MYH8: variants seen among roughly 807,000 people sequenced by gnomAD.
The protein encoded by MYH8 is myosin-8.
A neutral mutation model predicts 233.2 loss-of-function variants in MYH8; 168 were observed. The observed-to-expected ratio is 0.72, with a 90% CI of 0.64 to 0.82. MYH8 has a LOEUF of 0.82. Among genes scored for constraint, MYH8 ranks in the 40% least tolerant of loss-of-function variants. The probability of loss-of-function intolerance (pLI) is 0.00; values close to 1 mark genes in which losing one functional copy is unlikely to be tolerated. For missense variants in MYH8, 1,995 were observed against 2,327.8 expected (o/e 0.86, Z 2.94); for synonymous variants, 785 against 850.6 (o/e 0.92, Z 1.34).
chr17:10,399,797 CTG>C, intron 27 of MYH8, 128 bp from the exon 28 acceptor site: 1 of 1,342,682 alleles, frequency 7.4e-7, no homozygotes, highest in Non-Finnish European at 1.0e-6. Flanking sequence ...GACATCAACT[CTG>C]TGGAACATGC....
intron 30 of MYH8, 148 bp downstream of exon 30, chr17:10,398,296 G>A (rs1476461354): frequency 2.5e-6 from 3 of 1,178,886 alleles, no homozygotes; most frequent in African/African-American, 3.1e-5. Context: ...AGGTAAATAA[G>A]CTGATATACA....
intron 30 of MYH8, among the ~76,000 whole-genome samples, chr17:10,397,985 C>G (rs577650836): frequency 2.6e-5 from 4 of 152,206 alleles, no homozygotes; most frequent in African/African-American, 7.2e-5. Flanking sequence ...TGGCTTGATG[C>G]CCAGGGAGAT....
Position 10,406,892 on chromosome 17 carries a change from C to A in MYH8, c.2053G>T (p.Gly685Trp), listed in dbSNP as rs139004551. Reference protein sequence around the residue: ...CIIPNETKTPGAMEHELVLHQ... With the variant: ...CIIPNETKTPWAMEHELVLHQ... ...GATTATTTCACTCTCTGTGTCTTAC[C>A]AGGAGTTTTGGTTTCATTGGGAATG... Residue 685 changes from glycine to tryptophan, a missense_variant and splice_region_variant, in exon 18 of 40, where the codon GGG (glycine) becomes TGG (tryptophan). By Grantham distance (184) the Gly-to-Trp change is radical. Coordinates refer to ENST00000403437, the MANE Select transcript of MYH8 (RefSeq NM_002472.3). 22 of 1,613,554 alleles carry A rather than the reference C, an allele frequency of 1.4e-5. No individual in the cohort carries two copies. The highest frequency in any genetic ancestry group is 1.6e-4 in the Middle Eastern group (1 of 6,082).
chr17:10,409,221 A>G, intron 16 of MYH8, 57 bp from the exon 17 acceptor site: 2 of 1,613,390 alleles, frequency 1.2e-6, no homozygotes, highest in Non-Finnish European at 1.7e-6. Context: ...TTATATGAAC[A>G]TGTATTATAA....
At chr17:10,405,123 C>T (rs751370056) in intron 21 of MYH8, among the ~76,000 whole-genome samples, 10 of 152,120 alleles carry the variant, frequency 6.6e-5, no homozygotes, top group Admixed American at 3.9e-4. Context: ...CTGAATTATC[C>T]ACTCTATAAA....
Position 10,409,318 on chromosome 17 carries a change from G to C in MYH8, c.1858C>G (p.Leu620Val). The change falls in exon 16 of 40, where the codon CTA (leucine) becomes GTA (valine). Residue 620 changes from leucine to valine, a missense_variant. Transcript: ENST00000403437. ...GCATACGTGGAAAAGAGACTGGCTA[G>C]AGTCTTCATTGCAGACTTCTGGTAC... Reference protein sequence around the residue: ...GLYQKSAMKTLASLFSTYASA... With the variant: ...GLYQKSAMKTVASLFSTYASA... The C allele has an allele frequency of 6.2e-7, 1 of 1,613,478 alleles. No homozygotes were observed. The highest frequency in any genetic ancestry group is 8.5e-7 in the Non-Finnish European group (1 of 1,179,980).
Position 10,392,414 on chromosome 17 carries a change from C to G in MYH8, c.5568+128G>C. Reference sequence around the variant, plus strand: ...GTATAGGTCTGTGATAAGCAACTGTCTTTACTCCTTACATGTACCAAGTTA... The same window carrying G: ...GTATAGGTCTGTGATAAGCAACTGTGTTTACTCCTTACATGTACCAAGTTA... On this transcript the variant is annotated intron_variant, in intron 38 of 39. Coordinates refer to ENST00000403437, the MANE Select transcript of MYH8 (RefSeq NM_002472.3). The G allele has an allele frequency of 3.4e-6, 3 of 889,786 alleles. No individual in the cohort carries two copies. The South Asian group carries it at 4.1e-5, about 12-fold the overall frequency. The allele number at this position is 889,786 out of a possible 1,614,324, so 55.1% of individuals were successfully genotyped here.
Position 10,390,499 on chromosome 17 carries a change from C to T in MYH8, c.5769G>A (p.Leu1923=), listed in dbSNP as rs1277722726. 1 of 1,614,146 alleles carries T rather than the reference C, an allele frequency of 6.2e-7. No homozygotes were observed. Among genetic ancestry groups the T allele is most frequent in the East Asian group, 2.2e-5 (1 of 44,890 alleles). The change falls in exon 40 of 40, where the codon TTG becomes TTA. Residue 1923 remains leucine, a synonymous_variant. Coordinates refer to ENST00000403437, the MANE Select transcript of MYH8 (RefSeq NM_002472.3). ...TGTGAACCTCTCGGCTCTTCACTCG[C>T]AATTTGTTGACCTGGGACTCAGCAA... ...ADIAESQVNK[L]RVKSREVHTK...
chr17:10,404,180 C>T (rs1280298638), intron 22 of MYH8, 150 bp downstream of exon 22: 1 of 939,394 alleles, frequency 1.1e-6, no homozygotes, highest in Non-Finnish European at 1.6e-6. Flanking sequence ...TGTGCCTTTT[C>T]TTCCCCATAG....
intron 15 of MYH8, among the ~76,000 whole-genome samples, chr17:10,410,281 C>T (rs112232852): frequency 7.9e-5 from 12 of 151,794 alleles, no homozygotes; most frequent in South Asian, 4.2e-4. Context: ...TCAGCCTGGG[C>T]GACAGAGTGA....
chr17:10,404,474 G>A lies in MYH8; in HGVS notation c.2544C>T (p.Thr848=), dbSNP rs140061321. 1.7e-4 allele frequency: 281 copies of A among 1,613,574 alleles called. 2 individuals are homozygous for A. The African/African-American group carries it at 2.9e-3, about 17-fold the overall frequency. The change falls in exon 22 of 40, where the codon ACC becomes ACT. Residue 848 remains threonine, a synonymous_variant. Coordinates refer to ENST00000403437, the MANE Select transcript of MYH8 (RefSeq NM_002472.3). ...KIKPLLKSAE[T]EKEMATMKEE... ...CCTTCATGGTGGCCATCTCTTTCTC[G>A]GTCTCTGCACTCTTGAGGAGGGGCT...
chr17:10,400,382 T>C lies in MYH8; in HGVS notation c.3735+8A>G. The C allele has an allele frequency of 6.2e-7, 1 of 1,611,742 alleles. No individual in the cohort carries two copies. The highest frequency in any genetic ancestry group is 1.1e-5 in the South Asian group (1 of 91,074). ...TGATTACCTTCATTTAGAGACAGTA[T>C]TGGGTACCTTGGCTTTGGAAATGGC... is the stretch of plus-strand genomic sequence containing the variant. On this transcript the variant is annotated splice_region_variant and intron_variant, in intron 27 of 39. Transcript: ENST00000403437. The surrounding 1 kb of genome is among the most constrained non-coding windows in gnomAD (Gnocchi z 4.0).
rs1413830867 is a variant in MYH8, at chr17:10,396,684, G to A, written c.4397C>T (p.Thr1466Ile). Residue 1466 changes from threonine (T) to isoleucine (I), a missense_variant, in exon 32 of 40, where the codon ACT becomes ATT. Transcript: ENST00000403437. The surrounding 1 kb of genome is among the most constrained non-coding windows in gnomAD (Gnocchi z 4.2). ...CTGGGAGGCCTCAAGTTCAGCCTGA[G>A]TTTCCTCATACTTCTGCTTCCATTC... ...LSEWKQKYEETQAELEASQKE... is the reference protein window; with the variant it reads ...LSEWKQKYEEIQAELEASQKE... The A allele has an allele frequency of 6.2e-7, 1 of 1,614,244 alleles. No individual in the cohort carries two copies. Among genetic ancestry groups the A allele is most frequent in the South Asian group, 1.1e-5 (1 of 91,084 alleles).
Position 10,409,498 on chromosome 17 carries a change from G to A in MYH8, c.1678C>T (p.Leu560=). Residue 560 remains leucine, a synonymous_variant, in exon 16 of 40, where the codon CTG becomes TTG. Coordinates refer to ENST00000403437, the MANE Select transcript of MYH8 (RefSeq NM_002472.3). The part of the protein sequence containing the change: ...SFKNKLYDQH[L]GKSANFQKPK... ...TTCTGGAAGTTGGCAGACTTGCCCA[G>A]GTGCTGGTCATACAGCTTGTTCTTG... 6.2e-7 allele frequency: 1 copy of A among 1,614,238 alleles called. No individual in the cohort carries two copies. The highest frequency in any genetic ancestry group is 8.5e-7 in the Non-Finnish European group (1 of 1,180,028).
chr17:10,396,843 G>T lies in MYH8; in HGVS notation c.4322C>A (p.Ala1441Asp). The T allele has an allele frequency of 6.2e-7, 1 of 1,614,192 alleles. No homozygotes were observed. Among genetic ancestry groups the T allele is most frequent in the Non-Finnish European group, 8.5e-7 (1 of 1,180,048 alleles). Residue 1441 changes from alanine to aspartate, a missense_variant, in exon 31 of 40, where the codon GCC becomes GAC. Ala to Asp is a moderately radical substitution (Grantham distance 126). This residue lies in a region of MYH8 where 1,498 missense variants were observed against 1,680.9 expected (regional missense o/e 0.89). Coordinates refer to ENST00000403437, the MANE Select transcript of MYH8 (RefSeq NM_002472.3). The surrounding 1 kb of genome is among the most constrained non-coding windows in gnomAD (Gnocchi z 4.2). ...LMLDVERSNA[A>D]CAALDKKQRN... is the part of the protein sequence containing the mutation. ...TTGCTTCTTATCAAGGGCTGCACAG[G>T]CTGCATTAGACCTTTCCACATCAAG...
intron 30 of MYH8, 73 bp from the exon 31 acceptor site, chr17:10,397,059 T>C (rs2072086212): frequency 6.7e-7 from 1 of 1,487,056 alleles, no homozygotes; most frequent in East Asian, 2.3e-5. Flanking sequence ...TGGTCCCTTT[T>C]CACAGTCCTA....
At chr17:10,408,124 A>G (rs1408979161) in intron 17 of MYH8, among the ~76,000 whole-genome samples, 9 of 151,810 alleles carry the variant, frequency 5.9e-5, no homozygotes, top group African/African-American at 2.2e-4. Flanking sequence ...TATTCTTAGT[A>G]AAGATGGGGT....
In MYH8 at chr17:10,405,338, T is replaced by G. The variant is rs149220993; in HGVS notation, c.2432+703A>C. On this transcript the variant is annotated intron_variant, in intron 21 of 39. Coordinates refer to ENST00000403437, the MANE Select transcript of MYH8 (RefSeq NM_002472.3). ...AACTATAGCCATAGACTGGCTAGGT[T>G]TGACTACTTGTAGCAATGTGTATGT... Among the ~76,000 whole-genome samples the G allele has an allele frequency of 2.4e-4, 37 of 152,340 alleles. No homozygotes were observed. In the East Asian group the frequency reaches 4.6e-3, roughly 19 times the overall value.
Position 10,417,728 on chromosome 17 carries a change from A to T in MYH8, c.511+917T>A, listed in dbSNP as rs544848941. The stretch of plus-strand genomic sequence containing the variant: ...TTTGGATAATTTCTGGGAGGTAGTT[A>T]GCTTCTGTTGACAATCAAAGAACAG... On this transcript the variant is annotated intron_variant, in intron 5 of 39. Transcript: ENST00000403437. The surrounding 1 kb of genome is among the most constrained non-coding windows in gnomAD (Gnocchi z 4.1). 6.6e-6 allele frequency among the ~76,000 whole-genome samples: 1 copy of T among 152,334 alleles called. No individual in the cohort carries two copies. The highest frequency in any genetic ancestry group is 2.4e-5 in the African/African-American group (1 of 41,570).
Sources: allele counts gnomAD v4.1 joint callset (sites outside exome capture counted in the v4.1 genomes callset), GRCh38; gene constraint gnomAD v4.1.1; regional missense constraint gnomAD v4.1.1; non-coding constraint Gnocchi (gnomAD v3.1); transcripts MANE v1.5; gene names NCBI Gene and HGNC (gene_info 2026-07-23, HGNC 2026-07-21).